The following FLNB variants were observed in gnomAD, a reference collection of about 807,000 sequenced individuals.
The protein encoded by FLNB is filamin-B.
A neutral mutation model predicts 250.6 loss-of-function variants in FLNB; 111 were observed. That is an observed-to-expected ratio of 0.44 (90% CI 0.38 to 0.52). The LOEUF (loss-of-function observed/expected upper bound fraction) is 0.52. Among genes scored for constraint, FLNB ranks in the 20% least tolerant of loss-of-function variants. FLNB has a pLI of 0.00. For missense variants in FLNB, 2,869 were observed against 3,447.8 expected (o/e 0.83, Z 4.20); for synonymous variants, 1,302 against 1,372.1 (o/e 0.95, Z 1.13).
intron 34 of FLNB, among the ~76,000 whole-genome samples, chr3:58,147,448 C>G (rs985348146): frequency 6.6e-6 from 1 of 152,182 alleles, no homozygotes; most frequent in Non-Finnish European, 1.5e-5. Context: ...TTATCAAATT[C>G]CAAAGCCCAT....
At chr3:58,157,427 G>A (rs2097354993) in intron 41 of FLNB, among the ~76,000 whole-genome samples, 1 of 152,168 alleles carries the variant, frequency 6.6e-6, no homozygotes, top group African/African-American at 2.4e-5. Context: ...ACTCTGAGGG[G>A]AACTGGGATA....
intron 1 of FLNB, among the ~76,000 whole-genome samples, chr3:58,059,043 A>T (rs1312173807): frequency 1.3e-5 from 2 of 152,186 alleles, no homozygotes; most frequent in East Asian, 3.8e-4. Flanking sequence ...TCTCTTTGAG[A>T]TTGTCAATGT....
intron 1 of FLNB, among the ~76,000 whole-genome samples, chr3:58,051,592 C>A (rs1329506792): frequency 6.6e-6 from 1 of 152,112 alleles, no homozygotes; most frequent in Non-Finnish European, 1.5e-5. Flanking sequence ...CGAAGGTAGA[C>A]CCAGCTGGAA....
intron 6 of FLNB, 150 bp from the exon 7 acceptor site, chr3:58,097,665 A>C: frequency 1.3e-6 from 1 of 774,542 alleles, no homozygotes; most frequent in Non-Finnish European, 2.2e-6. Flanking sequence ...CAGGCTGTTA[A>C]ACTTGGTTCC....
At chr3:58,122,993 T>C (rs146691569) in intron 20 of FLNB, 100 bp from the exon 21 acceptor site, 2 of 1,100,394 alleles carry the variant, frequency 1.8e-6, no homozygotes, top group East Asian at 2.4e-5. Context: ...GCTGCCTGGC[T>C]CAGATGCACT....
At chr3:58,029,467 T>A (rs922703164) in intron 1 of FLNB, among the ~76,000 whole-genome samples, 1 of 152,070 alleles carries the variant, frequency 6.6e-6, no homozygotes, top group Admixed American at 6.6e-5. Flanking sequence ...TCTGTTGGGT[T>A]TTTTGGGAGA....
chr3:58,168,628 G>T lies in FLNB; in HGVS notation c.7387G>T (p.Val2463Leu), dbSNP rs140098061. 38 of 1,613,844 alleles carry T rather than the reference G, an allele frequency of 2.4e-5. No homozygotes were observed. In the African/African-American group the frequency reaches 4.4e-4, roughly 19 times the overall value. Residue 2463 changes from valine (V) to leucine (L), a missense_variant, in exon 44 of 46, where the codon GTG becomes TTG. Around this residue, in one of 5 missense-constraint regions of FLNB, gnomAD observed 1,084 missense variants for 1,315.5 expected, o/e 0.82. Coordinates refer to ENST00000295956, the MANE Select transcript of FLNB (RefSeq NM_001457.4). ...CAAATACGGTGGGCCCAACCACATC[G>T]TGGGCAGTCCCTTCAAGGCCAAGGT... ...SVKYGGPNHI[V>L]GSPFKAKVTG...
At chr3:58,139,246 C>T (rs2097322163) in intron 29 of FLNB, among the ~76,000 whole-genome samples, 1 of 152,196 alleles carries the variant, frequency 6.6e-6, no homozygotes, top group African/African-American at 2.4e-5. Flanking sequence ...GACATTACCT[C>T]ATTGAACCCT....
At chr3:58,110,456 T>A (rs1463608593) in intron 16 of FLNB, among the ~76,000 whole-genome samples, 4 of 139,648 alleles carry the variant, frequency 2.9e-5, no homozygotes, top group African/African-American at 9.9e-5. Context: ...TTTATTTTTT[T>A]ATTTTTTTTT....
intron 18 of FLNB, among the ~76,000 whole-genome samples, chr3:58,116,373 G>A (rs140087012): frequency 2.0e-5 from 3 of 152,342 alleles, no homozygotes; most frequent in African/African-American, 7.2e-5. Flanking sequence ...GCTTGGGCAT[G>A]GGTGTGTCCT....
intron 1 of FLNB, among the ~76,000 whole-genome samples, chr3:58,050,370 C>G (rs549087391): frequency 1.3e-5 from 2 of 152,112 alleles, no homozygotes; most frequent in African/African-American, 4.8e-5. Flanking sequence ...CAGGAGTGGG[C>G]TCTCAGACCA....
chr3:58,051,515 T>C (rs1008201627), intron 1 of FLNB, among the ~76,000 whole-genome samples: 1 of 152,130 alleles, frequency 6.6e-6, no homozygotes, highest in Non-Finnish European at 1.5e-5. Context: ...GGATAAAGGG[T>C]CGTCGTCTTG....
chr3:58,116,559 G>C (rs2097278330), intron 18 of FLNB, among the ~76,000 whole-genome samples: 1 of 152,336 alleles, frequency 6.6e-6, no homozygotes, highest in East Asian at 1.9e-4. Context: ...CCTGCCTGGG[G>C]TGGATGAGTG....
rs1295511423 is a variant in FLNB at position 58,090,863 on chromosome 3, G to A, written c.788-3973G>A. On this transcript the variant is annotated intron_variant, in intron 4 of 45. Coordinates refer to ENST00000295956, the MANE Select transcript of FLNB (RefSeq NM_001457.4). ...GAGGTGGGCGATGGGCGGATCATGA[G>A]GTCAGGAGATCAAGACCATCCTGGC... Among the ~76,000 whole-genome samples the A allele has an allele frequency of 2.0e-5, 3 of 152,206 alleles. 1 individual carries two copies. The highest frequency in any genetic ancestry group is 4.2e-4 in the South Asian group (2 of 4,792).
At chr3:58,133,863 C>A (rs967289321) in intron 26 of FLNB, among the ~76,000 whole-genome samples, 2 of 151,888 alleles carry the variant, frequency 1.3e-5, no homozygotes, top group Admixed American at 1.3e-4. Context: ...TACTAATATA[C>A]CATGTACCAT....
Position 58,155,759 on chromosome 3 carries a change from C to T in FLNB, c.6773-201C>T, listed in dbSNP as rs180827455. ...CAGGCCATTTGGGGACCCTGTGAGC[C>T]CCGGTTAAGAGTCCCTGGCCTTACC... On this transcript the variant is annotated intron_variant, in intron 40 of 45. Transcript: ENST00000295956. 9.9e-5 allele frequency among the ~76,000 whole-genome samples: 15 copies of T among 152,220 alleles called. No homozygotes were observed. In the East Asian group the frequency reaches 2.9e-3, roughly 29 times the overall value.
chr3:58,131,752 T>G (rs997208120), intron 25 of FLNB, among the ~76,000 whole-genome samples: 1 of 152,188 alleles, frequency 6.6e-6, no homozygotes, highest in Non-Finnish European at 1.5e-5. Context: ...AGGTCATGGG[T>G]CTGGGATCAG....
Position 58,112,159 on chromosome 3 carries a change from T to G in FLNB, c.2586T>G (p.Asn862Lys), listed in dbSNP as rs750635182. 3.1e-5 allele frequency: 50 copies of G among 1,613,940 alleles called. No individual in the cohort carries two copies. The highest frequency in any genetic ancestry group is 3.8e-5 in the Non-Finnish European group (45 of 1,179,972). ...GPGLSKAGVE[N>K]GKPTHFTVYT... ...AGTATATCTTTCCAGGTGTGGAAAATGGGAAACCGACCCACTTCACTGTCT... is the reference window on the plus strand; with the variant it reads ...AGTATATCTTTCCAGGTGTGGAAAAGGGGAAACCGACCCACTTCACTGTCT... The change falls in exon 18 of 46, where the codon AAT (asparagine) becomes AAG (lysine). Residue 862 changes from asparagine (N) to lysine (K), a missense_variant. Asn to Lys is a moderately conservative substitution (Grantham distance 94, BLOSUM62 0). Around this residue, in one of 5 missense-constraint regions of FLNB, gnomAD observed 1,348 missense variants for 1,466.7 expected, o/e 0.92. Coordinates refer to ENST00000295956, the MANE Select transcript of FLNB (RefSeq NM_001457.4).
intron 23 of FLNB, 150 bp from the exon 24 acceptor site, chr3:58,126,452 A>G: frequency 1.4e-6 from 1 of 695,162 alleles, no homozygotes; most frequent in Non-Finnish European, 2.6e-6. Context: ...ACATTATACT[A>G]ATGTGAAATT....
Sources: gnomAD v4.1 joint callset for allele counts (sites outside exome capture counted in the v4.1 genomes callset) on GRCh38, gnomAD v4.1.1 for gene constraint, gnomAD v4.1.1 regional missense constraint, MANE v1.5 for transcripts, NCBI Gene and HGNC (gene_info 2026-07-23, HGNC 2026-07-21) for gene names.